Variants in EYS observed in about 807,000 individuals in gnomAD.
The protein encoded by EYS is protein eyes shut homolog.
In EYS, 250 loss-of-function variants were observed where a neutral mutation model predicts 282.1. The observed-to-expected ratio is 0.89, with a 90% CI of 0.80 to 0.98. The LOEUF is 0.98. Ranked by LOEUF, EYS falls within the 50% of genes least tolerant of loss-of-function variation. The pLI is 0.00. For missense variants in EYS, 4,016 were observed against 3,709.0 expected (o/e 1.08, Z -2.15); for synonymous variants, 1,355 against 1,282.9 (o/e 1.06, Z -1.20).
chr6:64,065,035 T>TA (rs1359395530), intron 33 of EYS, among the ~76,000 whole-genome samples: 1 of 152,178 alleles, frequency 6.6e-6, no homozygotes, highest in Non-Finnish European at 1.5e-5. Flanking sequence ...GCCTTCTTGT[T>TA]ATAAGCAAAT....
At chr6:63,918,091 T>C (rs1764471684) in intron 35 of EYS, among the ~76,000 whole-genome samples, 1 of 152,228 alleles carries the variant, frequency 6.6e-6, no homozygotes, top group South Asian at 2.1e-4. Context: ...CAAGGCAATC[T>C]GTAATGCAGA....
chr6:64,540,769 C>T (rs1388603617), intron 26 of EYS, among the ~76,000 whole-genome samples: 1 of 152,154 alleles, frequency 6.6e-6, no homozygotes, highest in East Asian at 1.9e-4. Flanking sequence ...CAGGCATGAG[C>T]CATCATGCCC....
At chr6:65,305,278 T>C (rs575469169) in intron 11 of EYS, among the ~76,000 whole-genome samples, 2 of 152,230 alleles carry the variant, frequency 1.3e-5, no homozygotes, top group South Asian at 4.1e-4. Context: ...CTCCTTGAGG[T>C]GTTTGTCAGT....
chr6:65,374,443 C>T (rs565569985), intron 8 of EYS, among the ~76,000 whole-genome samples: 12 of 151,788 alleles, frequency 7.9e-5, no homozygotes, highest in African/African-American at 2.7e-4. Flanking sequence ...TTCCCCGGGC[C>T]CTGGGTTTCA....
intron 12 of EYS, among the ~76,000 whole-genome samples, chr6:65,242,101 G>T (rs1187640567): frequency 6.6e-6 from 1 of 151,956 alleles, no homozygotes; most frequent in Non-Finnish European, 1.5e-5. Context: ...ATAGCTTTAT[G>T]TGTAAAATTT....
chr6:64,101,220 G>A (rs1772815232), intron 31 of EYS, among the ~76,000 whole-genome samples: 1 of 150,890 alleles, frequency 6.6e-6, no homozygotes, highest in Non-Finnish European at 1.5e-5. Flanking sequence ...TTTTTTTAGT[G>A]GGAAGGTTTT....
chr6:63,777,273 C>T (rs1770088509), intron 40 of EYS, among the ~76,000 whole-genome samples: 1 of 152,162 alleles, frequency 6.6e-6, no homozygotes, highest in Non-Finnish European at 1.5e-5. Context: ...TAGGCTCTGT[C>T]TTTCAGGAGA....
At chr6:64,134,337 A>G (rs1361680436) in intron 31 of EYS, among the ~76,000 whole-genome samples, 1 of 152,038 alleles carries the variant, frequency 6.6e-6, no homozygotes, top group African/African-American at 2.4e-5. Context: ...TGGAAAAATG[A>G]TTTAGTATTT....
At chr6:65,538,843 C>T (rs926974787) in intron 2 of EYS, among the ~76,000 whole-genome samples, 1 of 152,144 alleles carries the variant, frequency 6.6e-6, no homozygotes, top group Non-Finnish European at 1.5e-5. Flanking sequence ...CACCCCCCTG[C>T]CTTCACTCAC....
chr6:65,563,800 T>C (rs1769157748), intron 2 of EYS, among the ~76,000 whole-genome samples: 1 of 152,052 alleles, frequency 6.6e-6, no homozygotes, highest in Non-Finnish European at 1.5e-5. Context: ...GGCCCCTTAA[T>C]TGTGGGCCAC....
intron 12 of EYS, among the ~76,000 whole-genome samples, chr6:65,232,334 C>A (rs1343815606): frequency 6.6e-6 from 1 of 152,062 alleles, no homozygotes; most frequent in African/African-American, 2.4e-5. Flanking sequence ...GCATGTGGTA[C>A]TTTCGGAGAA....
At chr6:65,701,217 AT>A (rs1378445655) in intron 1 of EYS, among the ~76,000 whole-genome samples, 1 of 152,218 alleles carries the variant, frequency 6.6e-6, no homozygotes, top group Non-Finnish European at 1.5e-5. Flanking sequence ...TTATTCTCCC[AT>A]TATTGAATAA....
At chr6:65,437,391 A>G (rs1032286063) in intron 5 of EYS, among the ~76,000 whole-genome samples, 3 of 152,158 alleles carry the variant, frequency 2.0e-5, no homozygotes, top group Non-Finnish European at 4.4e-5. Flanking sequence ...CTTAGATGAT[A>G]GTTGAAATAT....
chr6:64,693,324 T>C (rs1298619621), intron 22 of EYS, among the ~76,000 whole-genome samples: 1 of 152,040 alleles, frequency 6.6e-6, no homozygotes, highest in African/African-American at 2.4e-5. Flanking sequence ...AAAATTGATC[T>C]GGAAAAATCG....
intron 12 of EYS, among the ~76,000 whole-genome samples, chr6:65,219,127 A>G (rs1461537229): frequency 1.3e-5 from 2 of 152,150 alleles, no homozygotes; most frequent in East Asian, 3.9e-4. Flanking sequence ...GGGGCTCATA[A>G]TCTTCAAGTA....
intron 35 of EYS, among the ~76,000 whole-genome samples, chr6:63,941,416 G>C (rs1024086753): frequency 1.3e-5 from 2 of 152,136 alleles, no homozygotes; most frequent in African/African-American, 4.8e-5. Flanking sequence ...GTTTTGATTT[G>C]CATTTCTCTG....
At chr6:65,454,671 T>G (rs1232913000) in intron 5 of EYS, among the ~76,000 whole-genome samples, 1 of 152,056 alleles carries the variant, frequency 6.6e-6, no homozygotes, top group African/African-American at 2.4e-5. Flanking sequence ...TCATATTGAG[T>G]TGATTTTGTA....
intron 30 of EYS, among the ~76,000 whole-genome samples, chr6:64,262,289 TCTG>T (rs1233068279): frequency 6.6e-6 from 1 of 151,780 alleles, no homozygotes; most frequent in Non-Finnish European, 1.5e-5. Context: ...GTAAACATTA[TCTG>T]AGTTTTAGAA....
chr6:65,391,251 G>A (rs988808908), intron 7 of EYS, among the ~76,000 whole-genome samples: 2 of 152,072 alleles, frequency 1.3e-5, no homozygotes, highest in African/African-American at 4.8e-5. Context: ...AGAATGTAAA[G>A]TTGTACTAAT....
Sources: allele counts gnomAD v4.1 joint callset (sites outside exome capture counted in the v4.1 genomes callset), GRCh38; gene constraint gnomAD v4.1.1; transcripts MANE v1.5; gene names NCBI Gene and HGNC (gene_info 2026-07-23, HGNC 2026-07-21).